ADAMTSL3: variants seen among roughly 807,000 people sequenced by gnomAD.
The protein encoded by ADAMTSL3 is ADAMTS like 3, also known as ADAMTS-like protein 3.
ADAMTSL3 carries 128 observed loss-of-function variants against 201.7 expected under a neutral mutation model. That is an observed-to-expected ratio of 0.63 (90% CI 0.55 to 0.73). The LOEUF (loss-of-function observed/expected upper bound fraction) is 0.73. Ranked by LOEUF, ADAMTSL3 falls within the 30% of genes least tolerant of loss-of-function variation. ADAMTSL3 has a pLI of 0.00. For synonymous variants in ADAMTSL3, 738 were observed against 748.4 expected (o/e 0.99, Z 0.23); for missense variants, 1,990 against 2,119.6 (o/e 0.94, Z 1.20).
chr15:83,988,767 G>A lies in ADAMTSL3; in HGVS notation c.3793G>A (p.Val1265Ile), dbSNP rs2067529161. 1.2e-6 allele frequency: 2 copies of A among 1,608,874 alleles called. No individual in the cohort carries two copies. The highest frequency in any genetic ancestry group is 1.7e-6 in the Non-Finnish European group (2 of 1,176,864). ...AGAACAAGGCATATATGAATGTTCT[G>A]TAGCTAATCATCTTGGTTCAGATGT... ...RKEQGIYECSVANHLGSDVES... is the reference protein window; with the variant it reads ...RKEQGIYECSIANHLGSDVES... Residue 1265 changes from valine to isoleucine, a missense_variant, in exon 22 of 30, where the codon GTA (valine) becomes ATA (isoleucine). Coordinates refer to ENST00000286744, the MANE Select transcript of ADAMTSL3 (RefSeq NM_207517.3).
chr15:83,982,287 A>G lies in ADAMTSL3; in HGVS notation c.2659A>G (p.Met887Val). ...TTTTCTTGGAGAAATCAAATCAGAG[A>G]TGAAGACAAAACTTGGTGAGCAGGG... ...MPECSKIKSE[M>V]KTKLGEQGPQ... The change falls in exon 21 of 30, where the codon ATG (methionine) becomes GTG (valine). Residue 887 changes from methionine to valine, a missense_variant. Coordinates refer to ENST00000286744, the MANE Select transcript of ADAMTSL3 (RefSeq NM_207517.3). 3.8e-6 allele frequency: 6 copies of G among 1,588,504 alleles called. No homozygotes were observed. Among genetic ancestry groups the G allele is most frequent in the Non-Finnish European group, 4.3e-6 (5 of 1,165,882 alleles).
At chr15:83,658,128 G>C (rs1044461988) in intron 2 of ADAMTSL3, among the ~76,000 whole-genome samples, 1 of 152,144 alleles carries the variant, frequency 6.6e-6, no homozygotes, top group Non-Finnish European at 1.5e-5. Context: ...CTTTTCTTTT[G>C]AGACATGGTT....
At chr15:83,929,709 CAGAG>C (rs1437256752) in intron 17 of ADAMTSL3, among the ~76,000 whole-genome samples, 1 of 145,336 alleles carries the variant, frequency 6.9e-6, no homozygotes, top group Admixed American at 7.0e-5. Context: ...CAGAGAGAGA[CAGAG>C]AGAGACAGAG....
At chr15:83,683,069 A>G (rs878997350) in intron 2 of ADAMTSL3, among the ~76,000 whole-genome samples, 1 of 152,242 alleles carries the variant, frequency 6.6e-6, no homozygotes, top group Admixed American at 6.5e-5. Flanking sequence ...CACAAATTCA[A>G]TTTAAGGCAT....
At chr15:84,016,339 G>C (rs375410504) in intron 24 of ADAMTSL3, 44 bp from the exon 25 acceptor site, 18 of 1,491,332 alleles carry the variant, frequency 1.2e-5, no homozygotes, top group Non-Finnish European at 1.4e-5. Context: ...CCAATAATTA[G>C]ATAATGTCTA....
intron 2 of ADAMTSL3, among the ~76,000 whole-genome samples, chr15:83,694,131 G>T (rs1464271792): frequency 6.6e-6 from 1 of 152,162 alleles, no homozygotes; most frequent in Non-Finnish European, 1.5e-5. Context: ...CGGAATTCCT[G>T]TCAGGGCGTG....
chr15:83,885,875 C>T (rs939083106), intron 10 of ADAMTSL3, among the ~76,000 whole-genome samples: 3 of 152,112 alleles, frequency 2.0e-5, no homozygotes, highest in African/African-American at 7.2e-5. Context: ...CAGGTGCCCA[C>T]CACCATGCCT....
At chr15:83,881,281 G>C (rs538593263) in intron 9 of ADAMTSL3, among the ~76,000 whole-genome samples, 3 of 152,270 alleles carry the variant, frequency 2.0e-5, no homozygotes, top group South Asian at 4.1e-4. Context: ...AACTTTCTAG[G>C]GTCCTGGGTT....
chr15:83,957,612 G>C (rs1032183663), intron 19 of ADAMTSL3, among the ~76,000 whole-genome samples: 1 of 152,068 alleles, frequency 6.6e-6, no homozygotes, highest in African/African-American at 2.4e-5. Flanking sequence ...AAAGAGGAGT[G>C]TTTTGTATTT....
chr15:83,815,516 A>T (rs2063759104), intron 5 of ADAMTSL3, among the ~76,000 whole-genome samples: 1 of 152,232 alleles, frequency 6.6e-6, no homozygotes, highest in Admixed American at 6.5e-5. Context: ...AATGCTTCTT[A>T]GGGAAAGGAA....
chr15:83,732,674 A>T (rs1299760540), intron 3 of ADAMTSL3, among the ~76,000 whole-genome samples: 1 of 152,158 alleles, frequency 6.6e-6, no homozygotes, highest in Admixed American at 6.6e-5. Flanking sequence ...ACATTCCATA[A>T]AACCATTATT....
chr15:83,891,207 A>G (rs2065492273), intron 11 of ADAMTSL3, 122 bp from the exon 12 acceptor site: 1 of 807,328 alleles, frequency 1.2e-6, no homozygotes, highest in Non-Finnish European at 2.0e-6. Flanking sequence ...ATAACACTTG[A>G]TATTTTTAGT....
intron 16 of ADAMTSL3, 29 bp downstream of exon 16, chr15:83,913,407 T>TA (rs1407414936): frequency 6.2e-7 from 1 of 1,603,332 alleles, no homozygotes; most frequent in East Asian, 2.2e-5. Context: ...AAGGGACAGT[T>TA]ATGTTGTGTG....
At chr15:83,902,919 CA>C (rs2065754548) in intron 15 of ADAMTSL3, among the ~76,000 whole-genome samples, 1 of 152,140 alleles carries the variant, frequency 6.6e-6, no homozygotes, top group African/African-American at 2.4e-5. Context: ...AATGAACCCC[CA>C]TGTCATGTTC....
chr15:83,951,850 C>G (rs910799389), intron 19 of ADAMTSL3, among the ~76,000 whole-genome samples: 6 of 152,048 alleles, frequency 3.9e-5, no homozygotes, highest in African/African-American at 1.2e-4. Context: ...AGTATCAGTT[C>G]TAATGTCTTC....
chr15:83,877,978 G>A (rs972876981), intron 9 of ADAMTSL3, among the ~76,000 whole-genome samples: 3 of 152,030 alleles, frequency 2.0e-5, no homozygotes, highest in South Asian at 2.1e-4. Context: ...GATTGTATAC[G>A]TACGCAATTG....
rs971100018 is a variant in ADAMTSL3 at position 83,752,008 on chromosome 15, A to G, written c.190-21515A>G. On this transcript the variant is annotated intron_variant, in intron 3 of 29. Coordinates refer to ENST00000286744, the MANE Select transcript of ADAMTSL3 (RefSeq NM_207517.3). ...AAAGAGGTAAAGAGAGAATTTACAGAATGCAATTTATTATGAGAAACAATA... is the reference window on the plus strand; with the variant it reads ...AAAGAGGTAAAGAGAGAATTTACAGGATGCAATTTATTATGAGAAACAATA... 4.6e-5 allele frequency among the ~76,000 whole-genome samples: 7 copies of G among 152,362 alleles called. No homozygotes were observed. In the East Asian group the frequency reaches 1.3e-3, roughly 29 times the overall value.
rs1350170806 is a variant in ADAMTSL3, at chr15:83,892,602, A to C, written c.1263-82A>C. 3 of 1,366,782 alleles carry C rather than the reference A, an allele frequency of 2.2e-6. No homozygotes were observed. In the African/African-American group the frequency reaches 4.3e-5, roughly 20 times the overall value. The allele number at this position is 1,366,782 out of a possible 1,614,324, so 84.7% of individuals were successfully genotyped here. A position where few individuals can be genotyped will look rare whatever the true frequency, so the allele number is the denominator to read the frequency against. Reference sequence around the variant, plus strand: ...CAGCTGAACCACAATTGATACCTTAAGGCCATACTTTTTGCCACCATCTTT... The same window carrying C: ...CAGCTGAACCACAATTGATACCTTACGGCCATACTTTTTGCCACCATCTTT... On this transcript the variant is annotated intron_variant, in intron 12 of 29. Transcript: ENST00000286744.
chr15:83,790,976 C>G (rs2063334419), intron 4 of ADAMTSL3, among the ~76,000 whole-genome samples: 1 of 152,058 alleles, frequency 6.6e-6, no homozygotes, highest in African/African-American at 2.4e-5. Flanking sequence ...CCTAATACTG[C>G]AATGTGCTAA....
Sources: gnomAD v4.1 joint callset for allele counts (sites outside exome capture counted in the v4.1 genomes callset) on GRCh38, gnomAD v4.1.1 for gene constraint, MANE v1.5 for transcripts, NCBI Gene and HGNC (gene_info 2026-07-23, HGNC 2026-07-21) for gene names.